Variants in KCTD3 observed in about 807,000 individuals in gnomAD.
KCTD3 encodes BTB/POZ domain-containing protein KCTD3.
In KCTD3, 41 loss-of-function variants were observed where a neutral mutation model predicts 85.8. That is an observed-to-expected ratio of 0.48 (90% confidence interval 0.37 to 0.62). KCTD3 has a LOEUF of 0.62. KCTD3 is among the 20% of genes least tolerant of loss of function. The pLI is 0.00. For synonymous variants in KCTD3, 338 were observed against 345.4 expected, an observed-to-expected ratio of 0.98 and a Z score of 0.24; for missense variants, 724 against 989.9, an observed-to-expected ratio of 0.73 and a Z score of 3.60.
chr1:215,583,201 A>G (rs1025195442), intron 8 of KCTD3, among the ~76,000 whole-genome samples: 1 of 152,154 alleles, frequency 6.6e-6, no homozygotes, highest in Non-Finnish European at 1.5e-5. Flanking sequence ...AGCAGCCCTG[A>G]GGGCTGCTTG....
chr1:215,618,353 A>G (rs1019507251), intron 15 of KCTD3: 1 of 176,068 alleles, frequency 5.7e-6, no homozygotes, highest in African/African-American at 2.4e-5. Flanking sequence ...TAAGCTTCAT[A>G]TTCTATTCCT....
At chr1:215,571,298 T>C (rs1242206866) in intron 1 of KCTD3, among the ~76,000 whole-genome samples, 1 of 152,236 alleles carries the variant, frequency 6.6e-6, no homozygotes, top group Non-Finnish European at 1.5e-5. Context: ...GTCAGTTTTC[T>C]GTGACTGGGG....
intron 1 of KCTD3, 96 bp downstream of exon 1, chr1:215,567,864 C>G (rs956789551): frequency 1.2e-6 from 1 of 853,036 alleles, no homozygotes; most frequent in African/African-American, 1.7e-5. Context: ...CGAGGGCGAG[C>G]GTGGGAGGCC....
In KCTD3 at chr1:215,580,010, A is replaced by G. The variant is rs762575198; in HGVS notation, c.626+11A>G. On this transcript the variant is annotated intron_variant, in intron 8 of 17. Coordinates refer to ENST00000259154, the MANE Select transcript of KCTD3 (RefSeq NM_016121.5). ...TGCTGTGTGTTACAGGTAGTGTATA[A>G]TTAATAATGCTTTGCTTTTACAGGT... The G allele has an allele frequency of 6.5e-7, 1 of 1,527,358 alleles. No homozygotes were observed. The highest frequency in any genetic ancestry group is 9.1e-7 in the Non-Finnish European group (1 of 1,103,698). 94.6% of individuals were successfully genotyped at this position (1,527,358 alleles called of 1,614,324 possible). A position where few individuals can be genotyped will look rare whatever the true frequency, so the allele number is the denominator to read the frequency against.
chr1:215,587,123 C>CTT (rs968325742), intron 9 of KCTD3, among the ~76,000 whole-genome samples: 4 of 150,510 alleles, frequency 2.7e-5, no homozygotes, highest in Non-Finnish European at 5.9e-5. Flanking sequence ...AGGTTATTTT[C>CTT]TTTTTTTTCC....
intron 4 of KCTD3, among the ~76,000 whole-genome samples, chr1:215,577,200 A>G (rs1161929707): frequency 1.3e-5 from 2 of 151,388 alleles, no homozygotes; most frequent in Admixed American, 6.6e-5. Flanking sequence ...TACAAGCACT[A>G]TGCTAGGCAC....
chr1:215,587,287 G>A (rs1006650863), intron 9 of KCTD3, among the ~76,000 whole-genome samples: 4 of 151,784 alleles, frequency 2.6e-5, no homozygotes, highest in Non-Finnish European at 4.4e-5. Context: ...ATGCCACCAC[G>A]TCCAGCTAAT....
At chr1:215,595,893 A>G (rs185806972) in intron 10 of KCTD3, among the ~76,000 whole-genome samples, 99 of 152,288 alleles carry the variant, frequency 6.5e-4, no homozygotes, top group African/African-American at 2.3e-3. Flanking sequence ...TGATTCTTAA[A>G]GGAAAGAGGA....
intron 8 of KCTD3, among the ~76,000 whole-genome samples, chr1:215,580,360 G>A (rs912120584): frequency 1.3e-5 from 2 of 152,162 alleles, no homozygotes; most frequent in African/African-American, 4.8e-5. Context: ...TATCTCTAAT[G>A]ATTCAGTGTT....
Position 215,578,999 on chromosome 1 carries a change from G to C in KCTD3, c.398-1G>C. On this transcript the variant is annotated splice_acceptor_variant, in intron 6 of 17. Coordinates refer to ENST00000259154, the MANE Select transcript of KCTD3 (RefSeq NM_016121.5). LOFTEE classifies it high-confidence loss of function. ...TATTTGTTTTCTTCTTCTCTTTATAGGTATTCCTAGTCGTAAAATAAACAA... is the reference window on the plus strand; with the variant it reads ...TATTTGTTTTCTTCTTCTCTTTATACGTATTCCTAGTCGTAAAATAAACAA... 1 of 1,542,390 alleles carries C rather than the reference G, an allele frequency of 6.5e-7. No individual in the cohort carries two copies. The highest frequency in any genetic ancestry group is 8.7e-7 in the Non-Finnish European group (1 of 1,147,316).
Position 215,579,022 on chromosome 1 carries a change from C to T in KCTD3, c.420C>T (p.Asn140=), listed in dbSNP as rs1307182936. The T allele has an allele frequency of 1.9e-6, 3 of 1,561,062 alleles. No homozygotes were observed. Among genetic ancestry groups the T allele is most frequent in the Non-Finnish European group, 2.6e-6 (3 of 1,159,958 alleles). Residue 140 remains asparagine, a synonymous_variant, in exon 7 of 18, where the codon AAC becomes AAT. Coordinates refer to ENST00000259154, the MANE Select transcript of KCTD3 (RefSeq NM_016121.5). ...PPPGIPSRKI[N]NTVRSADSRN... is the part of the protein sequence containing the mutation. The stretch of plus-strand genomic sequence containing the variant: ...TAGGTATTCCTAGTCGTAAAATAAA[C>T]AACACAGTCAGATCTGCTGATTCTA...
rs1323772618 is a variant in KCTD3 at position 215,621,631 on chromosome 1, A to G, written c.*1013A>G. 1.3e-5 allele frequency: 2 copies of G among 152,546 alleles called. No homozygotes were observed. Among genetic ancestry groups the G allele is most frequent in the Non-Finnish European group, 2.9e-5 (2 of 67,984 alleles). 9.4% of individuals were successfully genotyped at this position (152,546 alleles called of 1,614,324 possible). ...TCTTCAGGTTTCTACAAATAGGGTA[A>G]TTGTAAATTTAAAGCATTAGCATTT... On this transcript the variant is annotated 3_prime_UTR_variant, in exon 18 of 18. Coordinates refer to ENST00000259154, the MANE Select transcript of KCTD3 (RefSeq NM_016121.5).
At chr1:215,609,478 A>AT (rs1412619261) in intron 14 of KCTD3, among the ~76,000 whole-genome samples, 5 of 151,976 alleles carry the variant, frequency 3.3e-5, no homozygotes, top group African/African-American at 1.2e-4. Context: ...AGAAATTTAG[A>AT]TTTTATCTTG....
intron 9 of KCTD3, among the ~76,000 whole-genome samples, chr1:215,588,470 A>G (rs1436746983): frequency 1.3e-5 from 2 of 151,876 alleles, no homozygotes; most frequent in Non-Finnish European, 2.9e-5. Flanking sequence ...TTGAAAGTCT[A>G]TGGCAGAGAA....
chr1:215,585,074 TC>T (rs1558232974), intron 8 of KCTD3, among the ~76,000 whole-genome samples: 2 of 152,074 alleles, frequency 1.3e-5, no homozygotes, highest in Non-Finnish European at 2.9e-5. Flanking sequence ...TGGAAAGGGG[TC>T]CTCATCCAGA....
chr1:215,580,129 G>C (rs1204207762), intron 8 of KCTD3, 130 bp downstream of exon 8: 1 of 610,866 alleles, frequency 1.6e-6, no homozygotes, highest in East Asian at 2.8e-5. Context: ...TTTTACCCAT[G>C]TCTGTATCAT....
chr1:215,581,592 C>T (rs145506124), intron 8 of KCTD3, among the ~76,000 whole-genome samples: 1 of 152,290 alleles, frequency 6.6e-6, no homozygotes, highest in East Asian at 1.9e-4. Flanking sequence ...TCCAGAACCA[C>T]CACATTATTA....
chr1:215,578,078 C>A lies in KCTD3; in HGVS notation c.394C>A (p.Pro132Thr). ...SVLFHGYLPP[P>T]GIPSRKINNT... Reference sequence around the variant, plus strand: ...CCTTTTTCATGGTTACTTGCCCCCACCAGGTATTTTCACTTTATTAAATCT... The same window carrying A: ...CCTTTTTCATGGTTACTTGCCCCCAACAGGTATTTTCACTTTATTAAATCT... Residue 132 changes from proline to threonine, a missense_variant, in exon 6 of 18, where the codon CCA becomes ACA. Around this residue, in one of 6 missense-constraint regions of KCTD3, gnomAD observed 106 missense variants for 98.2 expected, o/e 1.08. Transcript: ENST00000259154. The A allele has an allele frequency of 6.2e-7, 1 of 1,609,184 alleles. No homozygotes were observed. The highest frequency in any genetic ancestry group is 1.1e-5 in the South Asian group (1 of 89,884).
Position 215,619,060 on chromosome 1 carries a change from T to C in KCTD3, c.1737T>C (p.Ser579=). 1 of 1,611,694 alleles carries C rather than the reference T, an allele frequency of 6.2e-7. No homozygotes were observed. Among genetic ancestry groups the C allele is most frequent in the Non-Finnish European group, 8.5e-7 (1 of 1,179,104 alleles). The part of the protein sequence containing the change: ...LTTAMDMVNK[S]EDKDVGGPTE... ...CTGCTATGGATATGGTTAACAAAAG[T>C]GAAGATAAGGGTAGGTTCTCATACA... is the stretch of plus-strand genomic sequence containing the variant. Residue 579 remains serine (S), a synonymous_variant, in exon 16 of 18, where the codon AGT becomes AGC. Coordinates refer to ENST00000259154, the MANE Select transcript of KCTD3 (RefSeq NM_016121.5).
Sources: gnomAD v4.1 joint callset for allele counts (sites outside exome capture counted in the v4.1 genomes callset) on GRCh38, gnomAD v4.1.1 for gene constraint, gnomAD v4.1.1 regional missense constraint, MANE v1.5 for transcripts, NCBI Gene and HGNC (gene_info 2026-07-23, HGNC 2026-07-21) for gene names.